Variants in SEC23IP observed in about 807,000 individuals in gnomAD.
The protein encoded by SEC23IP is SEC23 interacting protein.
A neutral mutation model predicts 113.4 loss-of-function variants in SEC23IP; 70 were observed. The observed-to-expected ratio is 0.62, with a 90% CI of 0.51 to 0.75. The LOEUF (loss-of-function observed/expected upper bound fraction) is 0.75. SEC23IP is among the 30% of genes least tolerant of loss of function. SEC23IP has a pLI of 0.00. For missense variants in SEC23IP, 1,160 were observed against 1,204.9 expected, an observed-to-expected ratio of 0.96 and a Z score of 0.55; for synonymous variants, 398 against 421.0, an observed-to-expected ratio of 0.95 and a Z score of 0.67.
Position 119,898,895 on chromosome 10 carries a change from C to G in SEC23IP, c.632C>G (p.Ala211Gly). 3 of 1,605,208 alleles carry G rather than the reference C, an allele frequency of 1.9e-6. No individual in the cohort carries two copies. The highest frequency in any genetic ancestry group is 2.5e-6 in the Non-Finnish European group (3 of 1,179,848). The change falls in exon 2 of 19, where the codon GCT becomes GGT. Residue 211 changes from alanine to glycine, a missense_variant. Physicochemically the swap from Ala to Gly is moderately conservative, Grantham distance 60 (BLOSUM62 0). Transcript: ENST00000369075. ...CAGTGCCAAACACCAGGCCCTCCTG[C>G]TCATCCTCCACCTTCTGGACCCCCT... ...LQQCQTPGPPAHPPPSGPPVQ... is the reference protein window; with the variant it reads ...LQQCQTPGPPGHPPPSGPPVQ...
At chr10:119,900,242 A>G (rs1047527204) in intron 2 of SEC23IP, among the ~76,000 whole-genome samples, 4 of 151,934 alleles carry the variant, frequency 2.6e-5, no homozygotes, top group Admixed American at 2.0e-4. Context: ...ATGATTTTTT[A>G]GAAATTATAT....
chr10:119,915,840 C>T lies in SEC23IP; in HGVS notation c.1495C>T (p.Pro499Ser). The change falls in exon 8 of 19, where the codon CCA (proline) becomes TCA (serine). Residue 499 changes from proline (P) to serine (S), a missense_variant. By Grantham distance (74) the Pro-to-Ser change is moderately conservative. Coordinates refer to ENST00000369075, the MANE Select transcript of SEC23IP (RefSeq NM_007190.4). ...DGKVSRVEFL[P>S]VHWHSSLGGD... ...GAAAGTAAGCAGAGTGGAGTTCCTT[C>T]CAGTTCATTGGCATAGTTCTTTGGG... The T allele has an allele frequency of 6.3e-7, 1 of 1,599,474 alleles. No homozygotes were observed. The highest frequency in any genetic ancestry group is 1.3e-5 in the African/African-American group (1 of 74,596).
intron 5 of SEC23IP, among the ~76,000 whole-genome samples, chr10:119,909,973 T>C (rs778421546): frequency 4.6e-5 from 7 of 152,200 alleles, no homozygotes; most frequent in Non-Finnish European, 2.9e-5. Flanking sequence ...TAGAAGTTGC[T>C]TGATAATTTT....
chr10:119,919,475 A>G lies in SEC23IP; in HGVS notation c.1904A>G (p.Glu635Gly). The change falls in exon 11 of 19, where the codon GAG becomes GGG. Residue 635 changes from glutamate to glycine, a missense_variant. By Grantham distance (98) the Glu-to-Gly change is moderately conservative. Transcript: ENST00000369075. ...MPEEPKLTLD[E>G]SYDLVVENKE... ...GAAGAGCCAAAGCTGACTTTGGATGAGTCGTATGACCTTGTTGTTGAAAAT... is the reference window on the plus strand; with the variant it reads ...GAAGAGCCAAAGCTGACTTTGGATGGGTCGTATGACCTTGTTGTTGAAAAT... The G allele has an allele frequency of 6.2e-7, 1 of 1,606,404 alleles. No individual in the cohort carries two copies. Among genetic ancestry groups the G allele is most frequent in the Non-Finnish European group, 8.5e-7 (1 of 1,178,130 alleles).
rs60552712 is a variant in SEC23IP, at chr10:119,893,514, CTTT to C, written c.163+590_163+592del. Among the ~76,000 whole-genome samples, 354 of 85,366 alleles carry C rather than the reference CTTT, an allele frequency of 4.1e-3. 8 individuals are homozygous for C. The South Asian group carries it at 0.089, about 22-fold the overall frequency. 56.0% of individuals were successfully genotyped at this position (85,366 alleles called of 152,430 possible). A position where few individuals can be genotyped will look rare whatever the true frequency, so the allele number is the denominator to read the frequency against. On this transcript the variant is annotated intron_variant, in intron 1 of 18. Coordinates refer to ENST00000369075, the MANE Select transcript of SEC23IP (RefSeq NM_007190.4). ...TAGACATATACAATGCATTCCTTAT[CTTT>C]TTTTTTTTTTTTTTTTTTTTGAGAC...
intron 1 of SEC23IP, among the ~76,000 whole-genome samples, chr10:119,896,467 G>A (rs946972860): frequency 6.6e-6 from 1 of 152,132 alleles, no homozygotes; most frequent in Non-Finnish European, 1.5e-5. Flanking sequence ...CTCCGTTTTA[G>A]GCTTACTAAG....
chr10:119,925,692 C>T (rs982474525), intron 12 of SEC23IP, among the ~76,000 whole-genome samples: 3 of 152,060 alleles, frequency 2.0e-5, no homozygotes, highest in African/African-American at 7.2e-5. Context: ...CAGGTGTGCA[C>T]TACCAGGCCT....
intron 4 of SEC23IP, 78 bp downstream of exon 4, chr10:119,904,355 A>G (rs1229529777): frequency 8.0e-7 from 1 of 1,257,138 alleles, no homozygotes; most frequent in Non-Finnish European, 1.2e-6. Context: ...CATCATTCAC[A>G]GTGGAGCGGA....
At position 119,909,121 on chromosome 10, in the gene SEC23IP, C is replaced by T. The variant is rs1854774877; in HGVS notation, c.1182C>T (p.His394=). 2 of 1,607,826 alleles carry T rather than the reference C, an allele frequency of 1.2e-6. No individual in the cohort carries two copies. The highest frequency in any genetic ancestry group is 8.5e-7 in the Non-Finnish European group (1 of 1,175,408). ...EFPSGETIVM[H]NPKVIVQFQP... is the part of the protein sequence containing the mutation. ...CAAGTGGAGAGACAATTGTTATGCA[C>T]AATCCAAAGGTAATGATGGTGTTCA... Residue 394 remains histidine (H), a synonymous_variant, in exon 5 of 19, where the codon CAC becomes CAT. Coordinates refer to ENST00000369075, the MANE Select transcript of SEC23IP (RefSeq NM_007190.4).
chr10:119,903,964 C>T, intron 3 of SEC23IP, 120 bp from the exon 4 acceptor site: 1 of 1,003,672 alleles, frequency 1.0e-6, no homozygotes, highest in Non-Finnish European at 1.5e-6. Flanking sequence ...AAGTGATCCA[C>T]CTCTCTCGGC....
Position 119,914,711 on chromosome 10 carries a change from T to A in SEC23IP, c.1313-19T>A. ...CAAATTCCCATCTTTTATGTAGGTT[T>A]AAAAATTTTTTTTGATAGGGGAGAT... is the stretch of plus-strand genomic sequence containing the variant. On this transcript the variant is annotated intron_variant, in intron 6 of 18. Transcript: ENST00000369075. The A allele has an allele frequency of 2.5e-6, 4 of 1,606,854 alleles. No individual in the cohort carries two copies. The highest frequency in any genetic ancestry group is 3.4e-6 in the Non-Finnish European group (4 of 1,174,772).
Position 119,933,765 on chromosome 10 carries a change from T to C in SEC23IP, c.3001T>C (p.Ter1001ArgextTer22). ...CATTAGTCCAGAACAGCCCCAGCATTGATCAAACTTCAGTTTTACTGTGTG... is the reference window on the plus strand; with the variant it reads ...CATTAGTCCAGAACAGCCCCAGCATCGATCAAACTTCAGTTTTACTGTGTG... Reference protein sequence around the residue: ...MNISPEQPQH* With the variant: ...MNISPEQPQHR The change falls in exon 18 of 19, where the codon TGA becomes CGA. Residue 1001 changes from the stop codon to arginine (R), a stop_lost. Transcript: ENST00000369075. 6.4e-7 allele frequency: 1 copy of C among 1,550,628 alleles called. No homozygotes were observed. The highest frequency in any genetic ancestry group is 8.9e-7 in the Non-Finnish European group (1 of 1,123,678).
intron 5 of SEC23IP, among the ~76,000 whole-genome samples, chr10:119,911,297 T>A (rs778364328): frequency 5.6e-4 from 85 of 151,702 alleles, no homozygotes; most frequent in African/African-American, 8.2e-4. Flanking sequence ...TATTATTATT[T>A]TTTTTTTGTA....
At chr10:119,897,978 C>T (rs545592186) in intron 1 of SEC23IP, among the ~76,000 whole-genome samples, 75 of 149,970 alleles carry the variant, frequency 5.0e-4, no homozygotes, top group African/African-American at 1.8e-3. Context: ...GCACTCCAGC[C>T]TGGGCGACAG....
At position 119,904,204 on chromosome 10, in the gene SEC23IP, G is replaced by A. The variant is rs770659652; in HGVS notation, c.1028G>A (p.Cys343Tyr). Residue 343 changes from cysteine (C) to tyrosine (Y), a missense_variant, in exon 4 of 19, where the codon TGT becomes TAT. By Grantham distance (194) the Cys-to-Tyr change is radical. Coordinates refer to ENST00000369075, the MANE Select transcript of SEC23IP (RefSeq NM_007190.4). ...WEEEPAEVRRCTWFYKGDTDS... is the reference protein window; with the variant it reads ...WEEEPAEVRRYTWFYKGDTDS... ...GAGGAGCCAGCCGAAGTGAGACGCT[G>A]TACTTGGTTTTACAAGGGGGACACA... The A allele has an allele frequency of 6.2e-7, 1 of 1,614,216 alleles. No individual in the cohort carries two copies. Among genetic ancestry groups the A allele is most frequent in the South Asian group, 1.1e-5 (1 of 91,086 alleles).
chr10:119,919,356 A>G, intron 10 of SEC23IP, 88 bp from the exon 11 acceptor site: 2 of 1,251,980 alleles, frequency 1.6e-6, no homozygotes, highest in Non-Finnish European at 1.1e-6. Context: ...GTGTAAAGCA[A>G]AATTGTTTGA....
intron 18 of SEC23IP, 68 bp from the exon 19 acceptor site, chr10:119,940,518 A>G (rs1855931813): frequency 6.6e-6 from 1 of 151,338 alleles, no homozygotes; most frequent in Non-Finnish European, 1.5e-5. Flanking sequence ...AGAAAAGACA[A>G]CGATGCATGG....
rs1440724605 is a variant in SEC23IP at position 119,898,428 on chromosome 10, G to A, written c.165G>A (p.Glu55=). ...ACATGCTCTCCTGTTCCATTTCAGA[G>A]GATTCCACAGATGTTGGTGAGGAGG... ...ASPASLLLPG[E]DSTDVGEEDS... Residue 55 remains glutamate (E), a splice_region_variant and synonymous_variant, in exon 2 of 19, where the codon GAG becomes GAA. Coordinates refer to ENST00000369075, the MANE Select transcript of SEC23IP (RefSeq NM_007190.4). 3.1e-6 allele frequency: 5 copies of A among 1,609,022 alleles called. No individual in the cohort carries two copies. Among genetic ancestry groups the A allele is most frequent in the Non-Finnish European group, 3.4e-6 (4 of 1,177,104 alleles).
Position 119,915,708 on chromosome 10 carries a change from G to T in SEC23IP, c.1403-40G>T, listed in dbSNP as rs200922288. 336 of 1,436,050 alleles carry T rather than the reference G, an allele frequency of 2.3e-4. 2 individuals carry two copies. The Middle Eastern group carries it at 3.7e-3, about 16-fold the overall frequency. 89.0% of individuals were successfully genotyped at this position (1,436,050 alleles called of 1,614,324 possible). ...CTGCTGACTAGCTATCAAGCTAGGA[G>T]AATTTAATTTATTTTCTCTTTTTTT... On this transcript the variant is annotated intron_variant, in intron 7 of 18. Coordinates refer to ENST00000369075, the MANE Select transcript of SEC23IP (RefSeq NM_007190.4).
Sources: allele counts gnomAD v4.1 joint callset (sites outside exome capture counted in the v4.1 genomes callset), GRCh38; gene constraint gnomAD v4.1.1; transcripts MANE v1.5; gene names NCBI Gene and HGNC (gene_info 2026-07-23, HGNC 2026-07-21).